The following TENM4 variants were observed in gnomAD, a reference collection of about 807,000 sequenced individuals.
TENM4 encodes the protein teneurin-4.
A neutral mutation model predicts 243.3 loss-of-function variants in TENM4; 82 were observed. The observed-to-expected ratio is 0.34, with a 90% CI of 0.28 to 0.40. The LOEUF (loss-of-function observed/expected upper bound fraction) is 0.40, where lower values mean the gene tolerates loss of function less well. TENM4 is among the 10% of genes least tolerant of loss of function. TENM4 has a pLI of 1.00. For synonymous variants in TENM4, 1,412 were observed against 1,456.3 expected, an observed-to-expected ratio of 0.97 and a Z score of 0.69; for missense variants, 3,138 against 3,673.3, an observed-to-expected ratio of 0.85 and a Z score of 3.77.
chr11:79,249,347 G>A (rs1855571283), intron 2 of TENM4, among the ~76,000 whole-genome samples: 1 of 152,156 alleles, frequency 6.6e-6, no homozygotes, highest in South Asian at 2.1e-4. Context: ...ATAGGTCCCT[G>A]TAATTCCAAA....
intron 6 of TENM4, among the ~76,000 whole-genome samples, chr11:78,947,965 T>G (rs1255025757): frequency 1.3e-5 from 2 of 152,056 alleles, no homozygotes; most frequent in Non-Finnish European, 2.9e-5. Flanking sequence ...GTTGTGAGGG[T>G]GGGCTCTCAT....
intron 1 of TENM4, among the ~76,000 whole-genome samples, chr11:79,298,969 G>T (rs1016310575): frequency 2.6e-5 from 4 of 151,972 alleles, no homozygotes; most frequent in Non-Finnish European, 5.9e-5. Context: ...AACTAAGATA[G>T]GTTCTGTAAC....
At chr11:78,661,632 G>A in intron 32 of TENM4, 41 bp from the exon 33 acceptor site, 1 of 1,603,072 alleles carries the variant, frequency 6.2e-7, no homozygotes, top group Non-Finnish European at 8.5e-7. Context: ...TGGAGTGAGT[G>A]GACCTCATTT....
At chr11:79,057,038 T>G (rs1015454759) in intron 6 of TENM4, among the ~76,000 whole-genome samples, 2 of 152,190 alleles carry the variant, frequency 1.3e-5, no homozygotes, top group African/African-American at 2.4e-5. Context: ...CTACCCTCAC[T>G]GCCACACCTC....
At chr11:79,114,429 G>A (rs868468284) in intron 4 of TENM4, among the ~76,000 whole-genome samples, 4 of 152,158 alleles carry the variant, frequency 2.6e-5, no homozygotes, top group East Asian at 3.8e-4. Flanking sequence ...CAATAAGTAC[G>A]ACTTACAGTC....
intron 1 of TENM4, among the ~76,000 whole-genome samples, chr11:79,336,902 G>A (rs1021520406): frequency 6.6e-6 from 1 of 152,162 alleles, no homozygotes; most frequent in Non-Finnish European, 1.5e-5. Flanking sequence ...TGCAGGATGA[G>A]ACAAACTGTA....
intron 4 of TENM4, among the ~76,000 whole-genome samples, chr11:79,103,311 G>T (rs1347639359): frequency 6.6e-6 from 1 of 152,056 alleles, no homozygotes; most frequent in African/African-American, 2.4e-5. Flanking sequence ...AAATAATGTT[G>T]TATGATTATA....
chr11:79,412,199 A>G lies in TENM4; in HGVS notation c.-321+28310T>C, dbSNP rs1258662303. 2.0e-5 allele frequency among the ~76,000 whole-genome samples: 3 copies of G among 152,212 alleles called. No individual in the cohort carries two copies. In the South Asian group the frequency reaches 6.2e-4, roughly 32 times the overall value. ...AGTTAGCCGGTTGGTAAAGCCCAAGAGCATTCTCAAGAAGCATCCGCATCA... is the reference window on the plus strand; with the variant it reads ...AGTTAGCCGGTTGGTAAAGCCCAAGGGCATTCTCAAGAAGCATCCGCATCA... On this transcript the variant is annotated intron_variant, in intron 1 of 33. Transcript: ENST00000278550.
intron 4 of TENM4, among the ~76,000 whole-genome samples, chr11:79,101,010 G>C (rs1013962705): frequency 6.6e-6 from 1 of 152,048 alleles, no homozygotes; most frequent in Admixed American, 6.6e-5. Context: ...TGCTTCTCTG[G>C]GGGAGGGTTG....
intron 2 of TENM4, among the ~76,000 whole-genome samples, chr11:79,293,526 A>T (rs56372682): frequency 0.16 from 24,287 of 151,372 alleles, 2,927 homozygotes; most frequent in African/African-American, 0.34. Context: ...AAAAAGAAAA[A>T]AAAAAAGAAA....
At chr11:78,961,705 T>C (rs1857325521) in intron 6 of TENM4, among the ~76,000 whole-genome samples, 1 of 152,138 alleles carries the variant, frequency 6.6e-6, no homozygotes. Context: ...ATACTGAGTC[T>C]CTGGGCATGG....
intron 4 of TENM4, among the ~76,000 whole-genome samples, chr11:79,084,626 C>G (rs1172285309): frequency 6.6e-6 from 1 of 151,090 alleles, no homozygotes; most frequent in Non-Finnish European, 1.5e-5. Flanking sequence ...CTACATTATT[C>G]CATTTATATA....
At chr11:78,945,752 C>T (rs989750606) in intron 6 of TENM4, among the ~76,000 whole-genome samples, 1 of 152,094 alleles carries the variant, frequency 6.6e-6, no homozygotes, top group Admixed American at 6.5e-5. Flanking sequence ...GGCAAAACAG[C>T]CTTTTTGCTG....
chr11:78,783,320 A>C (rs1308831769), intron 16 of TENM4, among the ~76,000 whole-genome samples: 1 of 152,204 alleles, frequency 6.6e-6, no homozygotes, highest in Non-Finnish European at 1.5e-5. Context: ...AACAGATCCA[A>C]ATCAATCCAT....
At position 78,722,853 on chromosome 11, in the gene TENM4, G is replaced by A. The variant is rs1372078660; in HGVS notation, c.3615C>T (p.Ser1205=). The A allele has an allele frequency of 6.2e-7, 1 of 1,613,920 alleles. No homozygotes were observed. The highest frequency in any genetic ancestry group is 1.3e-5 in the African/African-American group (1 of 74,938). Reference sequence around the variant, plus strand: ...TTCTCCGGCGCCCATTGCCCATGATGCTCCCAATGACAGGAGGCTGCTGAG... The same window carrying A: ...TTCTCCGGCGCCCATTGCCCATGATACTCCCAATGACAGGAGGCTGCTGAG... ...FVSQQPPVIG[S]IMGNGRRRSI... The change falls in exon 24 of 34, where the codon AGC becomes AGT. Residue 1205 remains serine (S), a synonymous_variant. Coordinates refer to ENST00000278550, the MANE Select transcript of TENM4 (RefSeq NM_001098816.3).
rs1465717473 is a variant in TENM4, at chr11:79,138,475, T to C, written c.-66+10235A>G. Among the ~76,000 whole-genome samples, 12 of 117,848 alleles carry C rather than the reference T, an allele frequency of 1.0e-4. No homozygotes were observed. The South Asian group carries it at 2.9e-3, about 28-fold the overall frequency. 77.3% of individuals were successfully genotyped at this position (117,848 alleles called of 152,430 possible). A position where few individuals can be genotyped will look rare whatever the true frequency, so the allele number is the denominator to read the frequency against. On this transcript the variant is annotated intron_variant, in intron 4 of 33. Transcript: ENST00000278550. ...ATATAATATATTTTAATATATTATATACAAATAATATATATTTATACATAA... is the reference window on the plus strand; with the variant it reads ...ATATAATATATTTTAATATATTATACACAAATAATATATATTTATACATAA...
intron 22 of TENM4, among the ~76,000 whole-genome samples, chr11:78,728,396 C>T (rs764269487): frequency 7.9e-5 from 12 of 152,112 alleles, no homozygotes; most frequent in Non-Finnish European, 1.5e-4. Flanking sequence ...TGTACAGGGG[C>T]ACACATTGCC....
chr11:79,116,878 A>C (rs553120760), intron 4 of TENM4, among the ~76,000 whole-genome samples: 1 of 152,282 alleles, frequency 6.6e-6, no homozygotes, highest in South Asian at 2.1e-4. Flanking sequence ...TTTAAAGAGA[A>C]ATGGGGGGAA....
intron 6 of TENM4, among the ~76,000 whole-genome samples, chr11:78,940,045 A>G (rs1856857616): frequency 6.6e-6 from 1 of 152,200 alleles, no homozygotes. Flanking sequence ...ACAAAGGAAA[A>G]AAAACAAAAC....
Sources: allele counts gnomAD v4.1 joint callset (sites outside exome capture counted in the v4.1 genomes callset), GRCh38; gene constraint gnomAD v4.1.1; transcripts MANE v1.5; gene names NCBI Gene and HGNC (gene_info 2026-07-23, HGNC 2026-07-21).